FARS2: variants seen among roughly 807,000 people sequenced by gnomAD.
FARS2 encodes phenylalanyl-tRNA synthetase 2, mitochondrial, also known as phenylalanine--tRNA ligase, mitochondrial.
FARS2 carries 40 observed loss-of-function variants against 46.4 expected under a neutral mutation model. That is an observed-to-expected ratio of 0.86 (90% CI 0.67 to 1.12). The LOEUF is 1.12. Ranked by LOEUF, FARS2 falls within the 50% of genes most tolerant of loss-of-function variation. FARS2 has a pLI of 0.00. For missense variants in FARS2, 513 were observed against 567.9 expected (o/e 0.90, Z 0.98); for synonymous variants, 234 against 214.9 (o/e 1.09, Z -0.78).
At chr6:5,388,722 A>C (rs1204253023) in intron 2 of FARS2, among the ~76,000 whole-genome samples, 1 of 152,120 alleles carries the variant, frequency 6.6e-6, no homozygotes, top group Non-Finnish European at 1.5e-5. Context: ...TGATGAATTC[A>C]TAAGGAAGAG....
At chr6:5,470,251 C>T (rs748817639) in intron 4 of FARS2, among the ~76,000 whole-genome samples, 36 of 152,274 alleles carry the variant, frequency 2.4e-4, no homozygotes, top group Admixed American at 4.6e-4. Context: ...AAAAACAATA[C>T]AGTATAGCAA....
intron 1 of FARS2, among the ~76,000 whole-genome samples, chr6:5,273,614 A>G (rs7775335): frequency 0.52 from 78,748 of 151,712 alleles, 20,826 homozygotes; most frequent in East Asian, 0.84. Flanking sequence ...TCTGTGGGAG[A>G]TTCTGGGTTG....
chr6:5,350,604 C>T (rs1474779032), intron 1 of FARS2, among the ~76,000 whole-genome samples: 1 of 152,142 alleles, frequency 6.6e-6, no homozygotes, highest in Non-Finnish European at 1.5e-5. Context: ...GGAAATGGTC[C>T]TGGAACATTT....
intron 6 of FARS2, among the ~76,000 whole-genome samples, chr6:5,667,764 G>C (rs971532513): frequency 9.2e-5 from 14 of 152,176 alleles, no homozygotes; most frequent in Admixed American, 9.2e-4. Context: ...TGGAGACCCA[G>C]CCATGCAAAG....
At position 5,739,464 on chromosome 6, in the gene FARS2, CAAAAT is replaced by C. The variant is rs771844040; in HGVS notation, c.1218-31823_1218-31819del. Reference sequence around the variant, plus strand: ...ATTCCTGGGAAGCAATAATAAAAAACAAAATAAAGCAGTGGATTGTTTTTTATGTT... The same window carrying C: ...ATTCCTGGGAAGCAATAATAAAAAACAAAGCAGTGGATTGTTTTTTATGTT... On this transcript the variant is annotated intron_variant, in intron 6 of 6. Coordinates refer to ENST00000274680, the MANE Select transcript of FARS2 (RefSeq NM_006567.5). Among the ~76,000 whole-genome samples, 6 of 152,110 alleles carry C rather than the reference CAAAAT, an allele frequency of 3.9e-5. No individual in the cohort carries two copies. The South Asian group carries it at 1.0e-3, about 26-fold the overall frequency.
chr6:5,477,923 G>C (rs1210976041), intron 4 of FARS2, among the ~76,000 whole-genome samples: 1 of 152,122 alleles, frequency 6.6e-6, no homozygotes, highest in Non-Finnish European at 1.5e-5. Flanking sequence ...GTGAGGCTGA[G>C]GTGGGAGGAT....
chr6:5,292,908 G>C (rs776218784), intron 1 of FARS2, among the ~76,000 whole-genome samples: 1 of 152,160 alleles, frequency 6.6e-6, no homozygotes, highest in Non-Finnish European at 1.5e-5. Context: ...GAGTAGGAGC[G>C]TTCATGGAGG....
rs71657436 is a variant in FARS2 at position 5,521,371 on chromosome 6, GAA to G, written c.905-23795_905-23794del. Among the ~76,000 whole-genome samples the G allele has an allele frequency of 6.6e-4, 82 of 124,112 alleles. 1 individual carries two copies. The East Asian group carries it at 8.8e-3, about 13-fold the overall frequency. The allele number at this position is 124,112 out of a possible 152,430, so 81.4% of individuals were successfully genotyped here. Reference sequence around the variant, plus strand: ...TATGATATTTGTCTTTTTCTACTAAGAAAAAAAAAAAAAAAGATGAGGATAGC... The same window carrying G: ...TATGATATTTGTCTTTTTCTACTAAGAAAAAAAAAAAAAGATGAGGATAGC... On this transcript the variant is annotated intron_variant, in intron 4 of 6. Transcript: ENST00000274680.
intron 6 of FARS2, among the ~76,000 whole-genome samples, chr6:5,641,308 T>G (rs1011396867): frequency 6.6e-5 from 10 of 152,034 alleles, no homozygotes; most frequent in South Asian, 2.1e-4. Context: ...TTTTATTTTA[T>G]TTTTTTGAGA....
intron 5 of FARS2, among the ~76,000 whole-genome samples, chr6:5,599,856 T>G (rs1481112939): frequency 6.6e-6 from 1 of 152,214 alleles, no homozygotes; most frequent in Non-Finnish European, 1.5e-5. Context: ...ATGTGATATT[T>G]TATTTAACAA....
chr6:5,452,934 C>T (rs960880743), intron 4 of FARS2, among the ~76,000 whole-genome samples: 4 of 152,018 alleles, frequency 2.6e-5, no homozygotes, highest in Admixed American at 6.5e-5. Flanking sequence ...ACCTGAAGCC[C>T]ACCTAATCAT....
chr6:5,666,581 C>T (rs932682056), intron 6 of FARS2, among the ~76,000 whole-genome samples: 7 of 152,154 alleles, frequency 4.6e-5, no homozygotes, highest in African/African-American at 1.7e-4. Flanking sequence ...GAGGCAAAGA[C>T]AGACAAACAG....
At chr6:5,278,970 A>G (rs1174191184) in intron 1 of FARS2, among the ~76,000 whole-genome samples, 2 of 152,198 alleles carry the variant, frequency 1.3e-5, no homozygotes, top group Non-Finnish European at 2.9e-5. Context: ...CCTACTGTCC[A>G]TACTGTTCAG....
At chr6:5,524,098 A>G (rs1561683813) in intron 4 of FARS2, among the ~76,000 whole-genome samples, 1 of 119,550 alleles carries the variant, frequency 8.4e-6, no homozygotes, top group Non-Finnish European at 1.8e-5. Context: ...TGGAACCTCT[A>G]CTGACAATAG....
chr6:5,739,287 G>A (rs1761159763), intron 6 of FARS2, among the ~76,000 whole-genome samples: 1 of 150,508 alleles, frequency 6.6e-6, no homozygotes, highest in South Asian at 2.1e-4. Flanking sequence ...CTTGAGATCA[G>A]GAGTTCAAGA....
rs565635394 is a variant in FARS2, at chr6:5,290,091, A to G, written c.-22+28431A>G. ...AAATAGTTTTGGACAGAAATAAGAAATAGCTTGCTGTGTATTACATTTCCT... is the reference window on the plus strand; with the variant it reads ...AAATAGTTTTGGACAGAAATAAGAAGTAGCTTGCTGTGTATTACATTTCCT... On this transcript the variant is annotated intron_variant, in intron 1 of 6. Transcript: ENST00000274680. Among the ~76,000 whole-genome samples the G allele has an allele frequency of 2.0e-5, 3 of 152,338 alleles. No homozygotes were observed. The South Asian group carries it at 6.2e-4, about 32-fold the overall frequency.
chr6:5,396,337 T>TG (rs1490834895), intron 2 of FARS2, among the ~76,000 whole-genome samples: 19 of 152,202 alleles, frequency 1.2e-4, no homozygotes, highest in African/African-American at 4.3e-4. Context: ...ATATTGTCAT[T>TG]GGTCCTCAGC....
At chr6:5,431,567 G>A in intron 4 of FARS2, 1 of 486,450 alleles carries the variant, frequency 2.1e-6, no homozygotes, top group South Asian at 1.5e-5. Context: ...ACTGCACTTA[G>A]TATAGTGTCC....
At chr6:5,527,291 G>A (rs1006505135) in intron 4 of FARS2, among the ~76,000 whole-genome samples, 1 of 152,168 alleles carries the variant, frequency 6.6e-6, no homozygotes, top group Non-Finnish European at 1.5e-5. Flanking sequence ...GCCGTCCAAC[G>A]GCATATCTCC....
Sources: gnomAD v4.1 joint callset for allele counts (sites outside exome capture counted in the v4.1 genomes callset) on GRCh38, gnomAD v4.1.1 for gene constraint, MANE v1.5 for transcripts, NCBI Gene and HGNC (gene_info 2026-07-23, HGNC 2026-07-21) for gene names.